Variants in SGCZ observed in about 807,000 individuals in gnomAD.
SGCZ encodes the protein zeta-sarcoglycan.
A neutral mutation model predicts 41.3 loss-of-function variants in SGCZ; 40 were observed. The ratio of observed to expected loss-of-function variants is 0.97; its 90% CI spans 0.75 to 1.26. The LOEUF (loss-of-function observed/expected upper bound fraction) is 1.26. Ranked by LOEUF, SGCZ falls within the 50% of genes most tolerant of loss-of-function variation. SGCZ has a pLI of 0.00. For missense variants in SGCZ, 552 were observed against 369.8 expected (o/e 1.49, Z -4.04); for synonymous variants, 206 against 137.5 (o/e 1.50, Z -3.49).
intron 1 of SGCZ, among the ~76,000 whole-genome samples, chr8:14,686,606 T>C (rs1289029639): frequency 2.6e-5 from 4 of 152,004 alleles, no homozygotes; most frequent in Non-Finnish European, 5.9e-5. Flanking sequence ...CTGGAGATCA[T>C]GGCTATTATT....
chr8:14,818,929 C>G (rs1234032093), intron 1 of SGCZ, among the ~76,000 whole-genome samples: 1 of 151,818 alleles, frequency 6.6e-6, no homozygotes, highest in Non-Finnish European at 1.5e-5. Flanking sequence ...AACAAATAAT[C>G]TCATTACAGG....
At chr8:15,222,773 G>A (rs904581994) in intron 1 of SGCZ, among the ~76,000 whole-genome samples, 3 of 151,584 alleles carry the variant, frequency 2.0e-5, no homozygotes, top group Non-Finnish European at 2.9e-5. Context: ...GTGTGTGTCT[G>A]TGTGTGTGTG....
chr8:14,610,861 A>T (rs1208287727), intron 1 of SGCZ, among the ~76,000 whole-genome samples: 1 of 152,204 alleles, frequency 6.6e-6, no homozygotes, highest in East Asian at 1.9e-4. Context: ...GGAATGGAAG[A>T]TACGGAAAGT....
At chr8:15,165,270 A>G (rs1482998201) in intron 1 of SGCZ, among the ~76,000 whole-genome samples, 1 of 152,174 alleles carries the variant, frequency 6.6e-6, no homozygotes, top group Non-Finnish European at 1.5e-5. Flanking sequence ...AGCCTGGGAC[A>G]GAGCGAGACT....
intron 1 of SGCZ, among the ~76,000 whole-genome samples, chr8:15,228,042 C>G (rs946021908): frequency 4.6e-5 from 7 of 152,126 alleles, no homozygotes; most frequent in African/African-American, 1.2e-4. Flanking sequence ...AAATATGGAA[C>G]AGATGTTTGA....
chr8:15,131,780 C>G (rs941341897), intron 1 of SGCZ, among the ~76,000 whole-genome samples: 1 of 152,102 alleles, frequency 6.6e-6, no homozygotes, highest in Admixed American at 6.6e-5. Context: ...TGAAAACTAG[C>G]CATGAGGCTG....
chr8:14,226,490 G>T (rs896033101), intron 4 of SGCZ, among the ~76,000 whole-genome samples: 4 of 152,028 alleles, frequency 2.6e-5, no homozygotes, highest in African/African-American at 9.7e-5. Flanking sequence ...CATACAGTAT[G>T]TAAACTGCCA....
At chr8:14,740,488 G>T (rs1510458) in intron 1 of SGCZ, among the ~76,000 whole-genome samples, 69,904 of 151,790 alleles carry the variant, frequency 0.46, 16,785 homozygotes, top group Non-Finnish European at 0.54. Context: ...CCTGTGGATG[G>T]CTCACAAACA....
intron 3 of SGCZ, among the ~76,000 whole-genome samples, chr8:14,256,367 G>C (rs1181509683): frequency 1.3e-5 from 2 of 151,118 alleles, no homozygotes; most frequent in Non-Finnish European, 1.5e-5. Context: ...TTTAACACCA[G>C]TCAGGGGGTG....
chr8:14,891,640 G>A (rs557350629), intron 1 of SGCZ, among the ~76,000 whole-genome samples: 1 of 152,298 alleles, frequency 6.6e-6, no homozygotes, highest in African/African-American at 2.4e-5. Flanking sequence ...AGCAGAGGGA[G>A]GTCTGGAGAG....
At chr8:14,115,149 T>C (rs1435853867) in intron 5 of SGCZ, among the ~76,000 whole-genome samples, 1 of 152,012 alleles carries the variant, frequency 6.6e-6, no homozygotes, top group Non-Finnish European at 1.5e-5. Context: ...AATTCCAAAG[T>C]ATGTGATTAC....
At chr8:14,779,236 G>A (rs1441945) in intron 1 of SGCZ, among the ~76,000 whole-genome samples, 49,816 of 152,036 alleles carry the variant, frequency 0.33, 9,652 homozygotes, top group East Asian at 0.5. Flanking sequence ...CCCAAACTAA[G>A]AAATTAAAAA....
intron 1 of SGCZ, among the ~76,000 whole-genome samples, chr8:15,110,264 G>C (rs1411254319): frequency 6.6e-6 from 1 of 152,108 alleles, no homozygotes; most frequent in East Asian, 1.9e-4. Context: ...CTCCACCATT[G>C]CATCAAAAAG....
chr8:14,790,961 G>C lies in SGCZ; in HGVS notation c.40-236035C>G, dbSNP rs540568826. Among the ~76,000 whole-genome samples, 6 of 150,916 alleles carry C rather than the reference G, an allele frequency of 4.0e-5. No homozygotes were observed. The South Asian group carries it at 1.3e-3, about 32-fold the overall frequency. On this transcript the variant is annotated intron_variant, in intron 1 of 7. Coordinates refer to ENST00000382080, the MANE Select transcript of SGCZ (RefSeq NM_139167.4). The stretch of plus-strand genomic sequence containing the variant: ...CAGGAGGATCTCTTGAACACGGGAG[G>C]CAAAGGTTGCAGTGAGCCAAGATCA...
At position 15,210,995 on chromosome 8, in the gene SGCZ, C is replaced by G. The variant is rs1208451099; in HGVS notation, c.39+26590G>C. Among the ~76,000 whole-genome samples the G allele has an allele frequency of 2.7e-5, 4 of 150,760 alleles. No homozygotes were observed. In the East Asian group the frequency reaches 7.8e-4, roughly 29 times the overall value. On this transcript the variant is annotated intron_variant, in intron 1 of 7. Coordinates refer to ENST00000382080, the MANE Select transcript of SGCZ (RefSeq NM_139167.4). Reference sequence around the variant, plus strand: ...CTGTCCAAATTTTCCCCTGCAACACCCAGGCTTCTCTCTCTCTATATATAG... The same window carrying G: ...CTGTCCAAATTTTCCCCTGCAACACGCAGGCTTCTCTCTCTCTATATATAG...
chr8:14,782,374 C>T (rs1339773754), intron 1 of SGCZ, among the ~76,000 whole-genome samples: 2 of 152,140 alleles, frequency 1.3e-5, no homozygotes, highest in Non-Finnish European at 2.9e-5. Flanking sequence ...ATAATGTAAG[C>T]TTCTGTTTTG....
chr8:14,947,079 A>C (rs918126364), intron 1 of SGCZ, among the ~76,000 whole-genome samples: 1 of 152,184 alleles, frequency 6.6e-6, no homozygotes, highest in African/African-American at 2.4e-5. Context: ...TCTGAAAAAA[A>C]AGAAAAGTAA....
At chr8:14,820,052 C>G (rs1802027537) in intron 1 of SGCZ, among the ~76,000 whole-genome samples, 1 of 151,648 alleles carries the variant, frequency 6.6e-6, no homozygotes, top group Non-Finnish European at 1.5e-5. Flanking sequence ...ATTAAATTGT[C>G]CAATTAAAAC....
At chr8:14,848,835 A>T (rs2130648049) in intron 1 of SGCZ, among the ~76,000 whole-genome samples, 1 of 152,306 alleles carries the variant, frequency 6.6e-6, no homozygotes, top group African/African-American at 2.4e-5. Context: ...GGACAAAAGG[A>T]TAAAATGGAT....
Sources: allele counts gnomAD v4.1 joint callset (sites outside exome capture counted in the v4.1 genomes callset), GRCh38; gene constraint gnomAD v4.1.1; transcripts MANE v1.5; gene names NCBI Gene and HGNC (gene_info 2026-07-23, HGNC 2026-07-21).